Variants in AFF3 observed in about 807,000 individuals in gnomAD.
AFF3 encodes ALF transcription elongation factor 3.
AFF3 carries 32 observed loss-of-function variants against 129.7 expected under a neutral mutation model. The ratio of observed to expected loss-of-function variants is 0.25; its 90% CI spans 0.19 to 0.33. The LOEUF is 0.33. AFF3 is among the 10% of genes least tolerant of loss of function. The probability of loss-of-function intolerance (pLI) is 1.00; values close to 1 mark genes in which losing one functional copy is unlikely to be tolerated. For missense variants in AFF3, 1,373 were observed against 1,592.0 expected, an observed-to-expected ratio of 0.86 and a Z score of 2.34; for synonymous variants, 644 against 635.4, an observed-to-expected ratio of 1.01 and a Z score of -0.20.
intron 7 of AFF3, among the ~76,000 whole-genome samples, chr2:99,878,157 A>G (rs1298247139): frequency 6.6e-6 from 1 of 152,198 alleles, no homozygotes; most frequent in African/African-American, 2.4e-5. Context: ...AAGAAGCGGA[A>G]AGAGGAAGGT....
intron 2 of AFF3, among the ~76,000 whole-genome samples, chr2:100,112,120 G>A (rs576829106): frequency 7.9e-5 from 12 of 152,208 alleles, no homozygotes; most frequent in Non-Finnish European, 1.3e-4. Flanking sequence ...TGAGACTTAC[G>A]GGCTCAAGTA....
At chr2:99,789,361 T>C (rs140457919) in intron 8 of AFF3, among the ~76,000 whole-genome samples, 249 of 149,814 alleles carry the variant, frequency 1.7e-3, no homozygotes, top group African/African-American at 4.8e-3. Context: ...GGCGGGAGGA[T>C]TGCTTGAGTT....
At chr2:99,616,141 C>A (rs1180945916) in intron 13 of AFF3, among the ~76,000 whole-genome samples, 1 of 152,156 alleles carries the variant, frequency 6.6e-6, no homozygotes, top group Admixed American at 6.5e-5. Context: ...ACCTCTTTTA[C>A]CCCAAGCAAT....
chr2:100,066,045 C>T (rs1399844148), intron 4 of AFF3, among the ~76,000 whole-genome samples: 2 of 152,128 alleles, frequency 1.3e-5, no homozygotes, highest in African/African-American at 4.8e-5. Flanking sequence ...GTGAAATTCC[C>T]AAGAAGCACA....
At chr2:99,971,835 C>G (rs1678413411) in intron 7 of AFF3, among the ~76,000 whole-genome samples, 1 of 152,104 alleles carries the variant, frequency 6.6e-6, no homozygotes, top group Non-Finnish European at 1.5e-5. Flanking sequence ...TATGACTGAT[C>G]TGGAAACATA....
intron 8 of AFF3, among the ~76,000 whole-genome samples, chr2:99,780,237 C>T (rs1684288866): frequency 6.6e-6 from 1 of 152,168 alleles, no homozygotes; most frequent in Non-Finnish European, 1.5e-5. Flanking sequence ...GTGCTTCAAG[C>T]TGACGCTGGT....
At chr2:99,644,587 T>G (rs1684524926) in intron 13 of AFF3, among the ~76,000 whole-genome samples, 1 of 152,236 alleles carries the variant, frequency 6.6e-6, no homozygotes. Flanking sequence ...TATGATTAAC[T>G]TCTTAGTCCT....
At chr2:99,891,437 T>A (rs2106082769) in intron 7 of AFF3, among the ~76,000 whole-genome samples, 1 of 152,196 alleles carries the variant, frequency 6.6e-6, no homozygotes, top group African/African-American at 2.4e-5. Context: ...TAAAAAGACA[T>A]GATCAGTAAA....
chr2:99,599,504 G>A (rs1679610891), intron 14 of AFF3, among the ~76,000 whole-genome samples: 1 of 152,068 alleles, frequency 6.6e-6, no homozygotes, highest in Admixed American at 6.6e-5. Flanking sequence ...TGATCCACCT[G>A]TTCAGCCTCC....
chr2:99,852,255 G>A (rs1690203005), intron 7 of AFF3, among the ~76,000 whole-genome samples: 1 of 152,102 alleles, frequency 6.6e-6, no homozygotes, highest in African/African-American at 2.4e-5. Flanking sequence ...GCAAGAAAAT[G>A]CTTTCATGTT....
At chr2:99,604,762 GA>G (rs1382764134) in intron 13 of AFF3, among the ~76,000 whole-genome samples, 4 of 152,214 alleles carry the variant, frequency 2.6e-5, no homozygotes, top group African/African-American at 9.6e-5. Context: ...CATAGATGTG[GA>G]GGAAAGATAT....
At chr2:99,780,789 C>T (rs1460655208) in intron 8 of AFF3, among the ~76,000 whole-genome samples, 1 of 152,088 alleles carries the variant, frequency 6.6e-6, no homozygotes, top group Admixed American at 6.6e-5. Flanking sequence ...CCTGATAGCC[C>T]AACCCTCAAA....
chr2:99,766,919 G>A (rs1683069233), intron 8 of AFF3, among the ~76,000 whole-genome samples: 1 of 152,238 alleles, frequency 6.6e-6, no homozygotes, highest in South Asian at 2.1e-4. Flanking sequence ...ATGAGAAGGT[G>A]AGAAGGAAGG....
At chr2:99,750,422 T>TC (rs1225316006) in intron 9 of AFF3, among the ~76,000 whole-genome samples, 1 of 148,594 alleles carries the variant, frequency 6.7e-6, no homozygotes, top group African/African-American at 2.5e-5. Flanking sequence ...TCTTTTCTTT[T>TC]TTTTTTTTTT....
intron 2 of AFF3, among the ~76,000 whole-genome samples, chr2:100,119,128 T>C (rs1349946859): frequency 6.6e-6 from 1 of 152,164 alleles, no homozygotes; most frequent in African/African-American, 2.4e-5. Context: ...ATACACATAG[T>C]CTTAATGCAT....
chr2:99,609,852 G>A (rs1368103435), intron 13 of AFF3, among the ~76,000 whole-genome samples: 1 of 152,032 alleles, frequency 6.6e-6, no homozygotes, highest in Non-Finnish European at 1.5e-5. Flanking sequence ...AGATTGTCAG[G>A]CCTCTGAGCC....
intron 17 of AFF3, among the ~76,000 whole-genome samples, chr2:99,579,230 AC>A (rs1677284351): frequency 6.6e-6 from 1 of 151,168 alleles, no homozygotes; most frequent in Non-Finnish European, 1.5e-5. Context: ...ACATGGTGAA[AC>A]TCCGTCTCTA....
chr2:100,031,423 G>T lies in AFF3; in HGVS notation c.54-22491C>A, dbSNP rs1316467311. ...TATTAGCTTACTATAGATATAGAGGGTTACATATAGAAATGTATACATACA... is the reference window on the plus strand; with the variant it reads ...TATTAGCTTACTATAGATATAGAGGTTTACATATAGAAATGTATACATACA... On this transcript the variant is annotated intron_variant, in intron 4 of 24. Transcript: ENST00000672756. Among the ~76,000 whole-genome samples, 16 of 152,112 alleles carry T rather than the reference G, an allele frequency of 1.1e-4. No homozygotes were observed. In the East Asian group the frequency reaches 2.9e-3, roughly 28 times the overall value.
intron 12 of AFF3, among the ~76,000 whole-genome samples, chr2:99,657,203 A>C (rs746346836): frequency 6.6e-5 from 10 of 152,152 alleles, no homozygotes; most frequent in Non-Finnish European, 1.3e-4. Context: ...TCTAATTCCT[A>C]ATGTTGAGTC....
Sources: allele counts gnomAD v4.1 joint callset (sites outside exome capture counted in the v4.1 genomes callset), GRCh38; gene constraint gnomAD v4.1.1; transcripts MANE v1.5; gene names NCBI Gene and HGNC (gene_info 2026-07-23, HGNC 2026-07-21).